KCTD16: variants seen among roughly 807,000 people sequenced by gnomAD.
KCTD16 encodes the protein BTB/POZ domain-containing protein KCTD16.
KCTD16 carries 13 observed loss-of-function variants against 33.2 expected under a neutral mutation model. The ratio of observed to expected loss-of-function variants is 0.39; its 90% CI spans 0.25 to 0.62. The LOEUF (loss-of-function observed/expected upper bound fraction) is 0.62, where lower values mean the gene tolerates loss of function less well. KCTD16 is among the 20% of genes least tolerant of loss of function. The pLI is 0.50. For missense variants in KCTD16, 441 were observed against 525.1 expected, an observed-to-expected ratio of 0.84 and a Z score of 1.57; for synonymous variants, 197 against 195.3, an observed-to-expected ratio of 1.01 and a Z score of -0.07.
intron 3 of KCTD16, among the ~76,000 whole-genome samples, chr5:144,338,093 G>A (rs1752537027): frequency 6.6e-6 from 1 of 152,170 alleles, no homozygotes; most frequent in Non-Finnish European, 1.5e-5. Flanking sequence ...GAGAAAGTAA[G>A]CTCGGACTTT....
At chr5:144,340,138 G>C (rs1014006601) in intron 3 of KCTD16, among the ~76,000 whole-genome samples, 4 of 152,112 alleles carry the variant, frequency 2.6e-5, no homozygotes, top group African/African-American at 9.7e-5. Flanking sequence ...TCTGAGGCCA[G>C]GCGTGGTGGC....
intron 3 of KCTD16, among the ~76,000 whole-genome samples, chr5:144,469,052 T>C (rs1472356721): frequency 6.6e-6 from 1 of 152,184 alleles, no homozygotes; most frequent in Non-Finnish European, 1.5e-5. Context: ...TTTTCTAAGT[T>C]GTAAAATGCT....
At chr5:144,233,040 G>A (rs535869522) in intron 3 of KCTD16, among the ~76,000 whole-genome samples, 1 of 151,952 alleles carries the variant, frequency 6.6e-6, no homozygotes, top group African/African-American at 2.4e-5. Context: ...GGGAATTGAG[G>A]TTATTCCTCA....
intron 3 of KCTD16, among the ~76,000 whole-genome samples, chr5:144,446,640 T>C (rs1429142066): frequency 6.6e-6 from 1 of 152,092 alleles, no homozygotes; most frequent in African/African-American, 2.4e-5. Context: ...TGGGAGAACA[T>C]TTTTGCAATC....
intron 3 of KCTD16, among the ~76,000 whole-genome samples, chr5:144,275,008 A>T (rs1215162739): frequency 6.6e-6 from 1 of 152,250 alleles, no homozygotes; most frequent in Non-Finnish European, 1.5e-5. Context: ...ACACTAAAAA[A>T]GATATTTTGA....
rs199698937 is a variant in KCTD16, at chr5:144,428,624, A to T, written c.833-45036A>T. 8.5e-5 allele frequency among the ~76,000 whole-genome samples: 13 copies of T among 152,264 alleles called. No individual in the cohort carries two copies. The East Asian group carries it at 2.3e-3, about 27-fold the overall frequency. On this transcript the variant is annotated intron_variant, in intron 3 of 3. Transcript: ENST00000512467. ...CTTCAAGGCAAGTCATTCTTTATGT[A>T]CTCTGTGAATAATAAGCAATATTGT... is the stretch of plus-strand genomic sequence containing the variant.
At chr5:144,337,380 T>G (rs773275116) in intron 3 of KCTD16, among the ~76,000 whole-genome samples, 3 of 152,194 alleles carry the variant, frequency 2.0e-5, no homozygotes, top group Non-Finnish European at 4.4e-5. Flanking sequence ...TCACAAGAAT[T>G]TTCTCAGTAG....
At chr5:144,301,426 G>A (rs1305088172) in intron 3 of KCTD16, among the ~76,000 whole-genome samples, 4 of 152,062 alleles carry the variant, frequency 2.6e-5, no homozygotes, top group Admixed American at 1.3e-4. Flanking sequence ...GGTAAGAAGA[G>A]AGATGGTGAA....
chr5:144,438,022 G>A (rs1213146737), intron 3 of KCTD16, among the ~76,000 whole-genome samples: 2 of 152,148 alleles, frequency 1.3e-5, no homozygotes, highest in Non-Finnish European at 2.9e-5. Flanking sequence ...CAAAAGAGAT[G>A]TAAAGTAATA....
At chr5:144,410,993 A>C (rs1477124523) in intron 3 of KCTD16, among the ~76,000 whole-genome samples, 1 of 152,190 alleles carries the variant, frequency 6.6e-6, no homozygotes, top group Non-Finnish European at 1.5e-5. Context: ...TAGAAAGATA[A>C]GATCTATACC....
rs1044807656 is a variant in KCTD16 at position 144,287,051 on chromosome 5, G to A, written c.832+79505G>A. On this transcript the variant is annotated intron_variant, in intron 3 of 3. Coordinates refer to ENST00000512467, the MANE Select transcript of KCTD16 (RefSeq NM_020768.4). ...ATGTAAGCATTTTGTTAGGGGAAAT[G>A]CCTGTGAGAGAAAATGGGGAGGAGC... Among the ~76,000 whole-genome samples the A allele has an allele frequency of 6.6e-5, 10 of 152,334 alleles. No individual in the cohort carries two copies. The South Asian group carries it at 1.9e-3, about 28-fold the overall frequency.
chr5:144,391,620 A>T (rs1175891633), intron 3 of KCTD16, among the ~76,000 whole-genome samples: 1 of 152,204 alleles, frequency 6.6e-6, no homozygotes, highest in African/African-American at 2.4e-5. Flanking sequence ...ATATTGGGCA[A>T]GTCTCTTCAT....
At chr5:144,229,312 A>G (rs979551014) in intron 3 of KCTD16, among the ~76,000 whole-genome samples, 3 of 152,194 alleles carry the variant, frequency 2.0e-5, no homozygotes, top group African/African-American at 7.2e-5. Flanking sequence ...GGACCAATGG[A>G]TTGAAGATCT....
At chr5:144,352,994 G>T (rs1013903760) in intron 3 of KCTD16, among the ~76,000 whole-genome samples, 7 of 152,142 alleles carry the variant, frequency 4.6e-5, no homozygotes, top group Admixed American at 1.3e-4. Context: ...TTCTAAGAAG[G>T]TAACATGCCT....
chr5:144,329,287 G>T (rs895484700), intron 3 of KCTD16, among the ~76,000 whole-genome samples: 2 of 152,134 alleles, frequency 1.3e-5, no homozygotes, highest in Non-Finnish European at 2.9e-5. Context: ...GAACACCTCT[G>T]TGCCACTGTA....
intron 3 of KCTD16, among the ~76,000 whole-genome samples, chr5:144,335,808 G>A (rs902080107): frequency 6.6e-6 from 1 of 152,202 alleles, no homozygotes; most frequent in Non-Finnish European, 1.5e-5. Context: ...GTTGGAGGGT[G>A]AAGGCAGGTG....
chr5:144,209,615 A>T (rs2126792351), intron 3 of KCTD16, among the ~76,000 whole-genome samples: 1 of 151,902 alleles, frequency 6.6e-6, no homozygotes, highest in East Asian at 1.9e-4. Flanking sequence ...CTGCTTAGCC[A>T]TAATTATTTA....
At position 144,403,373 on chromosome 5, in the gene KCTD16, T is replaced by A. The variant is rs189052348; in HGVS notation, c.833-70287T>A. 6.5e-4 allele frequency among the ~76,000 whole-genome samples: 98 copies of A among 151,748 alleles called. 1 individual carries two copies. Among genetic ancestry groups the A allele is most frequent in the African/African-American group, 2.3e-3 (95 of 41,360 alleles). ...TGGTGTTCTAATAAGACAAGGAAAA[T>A]TTGGACACAGACACACAGAGAGAGT... On this transcript the variant is annotated intron_variant, in intron 3 of 3. Coordinates refer to ENST00000512467, the MANE Select transcript of KCTD16 (RefSeq NM_020768.4).
At chr5:144,200,200 TAGA>T (rs1462449238) in intron 2 of KCTD16, among the ~76,000 whole-genome samples, 1 of 152,156 alleles carries the variant, frequency 6.6e-6, no homozygotes, top group East Asian at 1.9e-4. Flanking sequence ...ATAGTTCACT[TAGA>T]AGAACTTTAT....
Sources: allele counts gnomAD v4.1 joint callset (sites outside exome capture counted in the v4.1 genomes callset), GRCh38; gene constraint gnomAD v4.1.1; transcripts MANE v1.5; gene names NCBI Gene and HGNC (gene_info 2026-07-23, HGNC 2026-07-21).